SORCS2: variants seen among roughly 807,000 people sequenced by gnomAD.
The protein encoded by SORCS2 is sortilin related VPS10 domain containing receptor 2.
Under a neutral mutation model 141.6 loss-of-function variants are expected in SORCS2, and 100 were observed. That is an observed-to-expected ratio of 0.71 (90% CI 0.60 to 0.83). The LOEUF is 0.83. Ranked by LOEUF, SORCS2 falls within the 40% of genes least tolerant of loss-of-function variation. The pLI is 0.00. For synonymous variants in SORCS2, 789 were observed against 676.9 expected (o/e 1.17, Z -2.57); for missense variants, 1,646 against 1,560.2 (o/e 1.05, Z -0.93).
At chr4:7,530,358 C>T (rs1711538779) in intron 2 of SORCS2, among the ~76,000 whole-genome samples, 1 of 152,226 alleles carries the variant, frequency 6.6e-6, no homozygotes, top group South Asian at 2.1e-4. Flanking sequence ...AGCCTGGCTC[C>T]AGCCCAAGGC....
chr4:7,547,206 G>A (rs1713329788), intron 3 of SORCS2, among the ~76,000 whole-genome samples: 1 of 152,124 alleles, frequency 6.6e-6, no homozygotes, highest in African/African-American at 2.4e-5. Context: ...GGACACCCAA[G>A]AGTCTTAATA....
At chr4:7,344,386 C>CCTAG (rs1432065381) in intron 1 of SORCS2, among the ~76,000 whole-genome samples, 4 of 152,218 alleles carry the variant, frequency 2.6e-5, no homozygotes, top group African/African-American at 9.6e-5. Flanking sequence ...AGGCGCCCTG[C>CCTAG]CTAGCACTCA....
intron 1 of SORCS2, among the ~76,000 whole-genome samples, chr4:7,206,628 G>T (rs1727757423): frequency 6.6e-6 from 1 of 152,152 alleles, no homozygotes; most frequent in Admixed American, 6.5e-5. Flanking sequence ...AGGAGTCCTG[G>T]GCAGAGGGGA....
intron 1 of SORCS2, among the ~76,000 whole-genome samples, chr4:7,227,924 C>T (rs963248835): frequency 9.9e-5 from 15 of 152,192 alleles, no homozygotes; most frequent in African/African-American, 2.7e-4. Flanking sequence ...CTGCTTTCTC[C>T]TTCTCTGGGG....
chr4:7,619,356 A>G (rs1718990352), intron 3 of SORCS2, among the ~76,000 whole-genome samples: 1 of 152,170 alleles, frequency 6.6e-6, no homozygotes, highest in Non-Finnish European at 1.5e-5. Context: ...TTATCCAGTA[A>G]GTCCAGGGAG....
chr4:7,506,194 G>A lies in SORCS2; in HGVS notation c.549-25336G>A, dbSNP rs573927299. Among the ~76,000 whole-genome samples the A allele has an allele frequency of 4.6e-5, 7 of 152,106 alleles. No individual in the cohort carries two copies. The South Asian group carries it at 8.3e-4, about 18-fold the overall frequency. On this transcript the variant is annotated intron_variant, in intron 2 of 26. Transcript: ENST00000507866. Reference sequence around the variant, plus strand: ...GTGCGAGAGTCCCAGTGAACAGCGCGTGAGAAAAGGAACTTCTTTTAGTCT... The same window carrying A: ...GTGCGAGAGTCCCAGTGAACAGCGCATGAGAAAAGGAACTTCTTTTAGTCT...
intron 3 of SORCS2, among the ~76,000 whole-genome samples, chr4:7,540,914 A>G (rs60621816): frequency 0.1 from 15,953 of 152,316 alleles, 1,304 homozygotes; most frequent in African/African-American, 0.23. Flanking sequence ...AAAGTGGCCA[A>G]GGGAACCGGC....
chr4:7,594,874 GGCT>G (rs1717154258), intron 3 of SORCS2, among the ~76,000 whole-genome samples: 1 of 152,162 alleles, frequency 6.6e-6, no homozygotes, highest in Non-Finnish European at 1.5e-5. Context: ...TCCATTGATT[GGCT>G]CTGAACTTGA....
intron 3 of SORCS2, among the ~76,000 whole-genome samples, chr4:7,591,377 A>C (rs1417781959): frequency 6.6e-6 from 1 of 152,114 alleles, no homozygotes; most frequent in Admixed American, 6.5e-5. Context: ...GGCCAGAGCC[A>C]GTGTTGCCTC....
chr4:7,358,072 A>G (rs1214496378), intron 1 of SORCS2, among the ~76,000 whole-genome samples: 1 of 152,166 alleles, frequency 6.6e-6, no homozygotes, highest in East Asian at 1.9e-4. Context: ...GTGGCTGGAG[A>G]GAAAATAATA....
At chr4:7,337,928 G>A (rs1173037561) in intron 1 of SORCS2, among the ~76,000 whole-genome samples, 2 of 152,090 alleles carry the variant, frequency 1.3e-5, no homozygotes, top group Non-Finnish European at 2.9e-5. Flanking sequence ...TGCCCTGCAA[G>A]CCCAGGGTTC....
chr4:7,509,729 T>C (rs186533196), intron 2 of SORCS2, among the ~76,000 whole-genome samples: 11 of 152,278 alleles, frequency 7.2e-5, no homozygotes, highest in Admixed American at 4.6e-4. Context: ...ATGCCCCATC[T>C]GGGCTCTGGA....
chr4:7,239,629 T>C (rs1712547822), intron 1 of SORCS2, among the ~76,000 whole-genome samples: 1 of 152,208 alleles, frequency 6.6e-6, no homozygotes. Flanking sequence ...GAGCTGGGGC[T>C]GGGCCCGGCT....
chr4:7,603,865 C>G (rs774488754), intron 3 of SORCS2, among the ~76,000 whole-genome samples: 3 of 152,092 alleles, frequency 2.0e-5, no homozygotes, highest in Non-Finnish European at 2.9e-5. Flanking sequence ...CCTAGCCTGG[C>G]GTTTTTAGAT....
intron 3 of SORCS2, among the ~76,000 whole-genome samples, chr4:7,538,909 C>T (rs1171395635): frequency 2.0e-5 from 3 of 152,208 alleles, no homozygotes; most frequent in Non-Finnish European, 2.9e-5. Flanking sequence ...TTGGCAGAGG[C>T]GGTGTGGTCA....
chr4:7,469,150 ATGATGGTGGTGATGGTCCTGG>A (rs1382104833), intron 2 of SORCS2, among the ~76,000 whole-genome samples: 20 of 151,554 alleles, frequency 1.3e-4, no homozygotes, highest in African/African-American at 4.4e-4. Flanking sequence ...GGTGATGATG[ATGATGGTGGTGATGGTCCTGG>A]TGATGGTGGT....
intron 1 of SORCS2, among the ~76,000 whole-genome samples, chr4:7,244,473 C>T (rs564311445): frequency 4.6e-5 from 7 of 152,348 alleles, no homozygotes; most frequent in South Asian, 4.1e-4. Context: ...CCCTGCCCCT[C>T]GGTCGCTGTT....
chr4:7,195,002 C>T (rs1727086297), intron 1 of SORCS2, among the ~76,000 whole-genome samples: 1 of 151,994 alleles, frequency 6.6e-6, no homozygotes, highest in Admixed American at 6.5e-5. Flanking sequence ...AGTCTGGGTG[C>T]AGGGCAGCTT....
intron 14 of SORCS2, among the ~76,000 whole-genome samples, chr4:7,707,925 GC>G (rs1725575054): frequency 6.7e-6 from 1 of 148,304 alleles, no homozygotes; most frequent in Non-Finnish European, 1.5e-5. Flanking sequence ...ACACAGCTCC[GC>G]CCCCGTCTCC....
Sources: gnomAD v4.1 joint callset for allele counts (sites outside exome capture counted in the v4.1 genomes callset) on GRCh38, gnomAD v4.1.1 for gene constraint, MANE v1.5 for transcripts, NCBI Gene and HGNC (gene_info 2026-07-23, HGNC 2026-07-21) for gene names.